CD163L1: variants seen among roughly 807,000 people sequenced by gnomAD.
CD163L1 encodes the protein scavenger receptor cysteine-rich type 1 protein M160.
In CD163L1, 124 loss-of-function variants were observed where a neutral mutation model predicts 165.4. That is an observed-to-expected ratio of 0.75 (90% CI 0.65 to 0.87). The LOEUF (loss-of-function observed/expected upper bound fraction) is 0.87, where lower values mean the gene tolerates loss of function less well. CD163L1 is among the 40% of genes least tolerant of loss of function. CD163L1 has a pLI of 0.00. For synonymous variants in CD163L1, 585 were observed against 662.2 expected (o/e 0.88, Z 1.79); for missense variants, 1,525 against 1,799.9 (o/e 0.85, Z 2.76).
the CD163L1 span, chr12:7,323,704 A>G: frequency 1.4e-6 from 1 of 713,652 alleles, no homozygotes. Context: ...GTCACCCAAG[A>G]GTACTGTAAA....
At chr12:7,366,949 G>C (rs1453621851) in intron 18 of CD163L1, among the ~76,000 whole-genome samples, 1 of 152,128 alleles carries the variant, frequency 6.6e-6, no homozygotes, top group Non-Finnish European at 1.5e-5. Flanking sequence ...CCAGGTATTT[G>C]ACTGATTATT....
rs117984569 is a variant in CD163L1, at chr12:7,357,602, T to A, written c.4280-116A>T. ...AAAGTATAATAGAGCAAGAGGTGACTATTACATAAATTAAGAGCACGCTTA... is the reference window on the plus strand; with the variant it reads ...AAAGTATAATAGAGCAAGAGGTGACAATTACATAAATTAAGAGCACGCTTA... On this transcript the variant is annotated intron_variant, in intron 18 of 19. Transcript: ENST00000313599. 108 of 665,664 alleles carry A rather than the reference T, an allele frequency of 1.6e-4. 1 individual carries two copies. In the East Asian group the frequency reaches 2.1e-3, roughly 13 times the overall value. The allele number at this position is 665,664 out of a possible 1,614,324, so 41.2% of individuals were successfully genotyped here. A position where few individuals can be genotyped will look rare whatever the true frequency, so the allele number is the denominator to read the frequency against.
chr12:7,339,058 A>T, the CD163L1 span, among the ~76,000 whole-genome samples: 1 of 152,222 alleles, frequency 6.6e-6, no homozygotes, highest in Non-Finnish European at 1.5e-5. Flanking sequence ...ATATAGTGAG[A>T]TAATAAATGT....
At chr12:7,356,524 T>C (rs1591866215) in intron 19 of CD163L1, among the ~76,000 whole-genome samples, 2 of 152,276 alleles carry the variant, frequency 1.3e-5, no homozygotes, top group East Asian at 3.9e-4. Flanking sequence ...GACTTATCTT[T>C]GCTCCCTGGC....
At chr12:7,319,884 A>G in the CD163L1 span, among the ~76,000 whole-genome samples, 5 of 152,236 alleles carry the variant, frequency 3.3e-5, no homozygotes, top group African/African-American at 1.2e-4. Context: ...TCATGTGTGT[A>G]TTTTAAGTGC....
chr12:7,440,284 A>C (rs1948810776), intron 2 of CD163L1, among the ~76,000 whole-genome samples: 1 of 151,692 alleles, frequency 6.6e-6, no homozygotes, highest in Non-Finnish European at 1.5e-5. Flanking sequence ...TGCGACGGGG[A>C]GGGCGGACTG....
At chr12:7,435,755 C>A (rs752195830) in intron 2 of CD163L1, among the ~76,000 whole-genome samples, 2 of 152,066 alleles carry the variant, frequency 1.3e-5, no homozygotes, top group African/African-American at 4.8e-5. Flanking sequence ...ATATTTATAG[C>A]AGAACATTTG....
At chr12:7,386,571 C>G (rs1208050800) in intron 8 of CD163L1, among the ~76,000 whole-genome samples, 1 of 79,492 alleles carries the variant, frequency 1.3e-5, no homozygotes, top group Non-Finnish European at 2.4e-5. Context: ...AAACCCTCAA[C>G]AAAATACCAG....
At chr12:7,440,339 C>T (rs1034326565) in intron 2 of CD163L1, among the ~76,000 whole-genome samples, 1 of 151,404 alleles carries the variant, frequency 6.6e-6, no homozygotes, top group East Asian at 1.9e-4. Flanking sequence ...CCGCCGCCCA[C>T]CGGCCCTGCC....
chr12:7,352,524 G>T (rs998049467), downstream of CD163L1, among the ~76,000 whole-genome samples: 2 of 152,110 alleles, frequency 1.3e-5, no homozygotes, highest in African/African-American at 2.4e-5. Flanking sequence ...TTTGAAACAA[G>T]GGCAGACTTC....
At chr12:7,415,394 G>T (rs1376980452) in intron 4 of CD163L1, among the ~76,000 whole-genome samples, 1 of 151,952 alleles carries the variant, frequency 6.6e-6, no homozygotes, top group Non-Finnish European at 1.5e-5. Flanking sequence ...ACTTTAAGAG[G>T]GGGAAAAATA....
the CD163L1 span, chr12:7,327,020 C>A: frequency 6.2e-7 from 1 of 1,612,764 alleles, no homozygotes; most frequent in Non-Finnish European, 8.5e-7. Context: ...TTAAGTCCTA[C>A]AACCCAGAGA....
At chr12:7,409,117 T>C (rs867292902) in intron 4 of CD163L1, among the ~76,000 whole-genome samples, 1 of 152,244 alleles carries the variant, frequency 6.6e-6, no homozygotes. Context: ...CACAGTGTTA[T>C]GTATTTTAAA....
chr12:7,323,567 G>A, the CD163L1 span: 1 of 1,607,934 alleles, frequency 6.2e-7, no homozygotes, highest in South Asian at 1.1e-5. Flanking sequence ...TGTGGTATGA[G>A]GATAGAAAGT....
intron 7 of CD163L1, among the ~76,000 whole-genome samples, chr12:7,397,371 G>C (rs1221776133): frequency 6.6e-6 from 1 of 152,114 alleles, no homozygotes; most frequent in African/African-American, 2.4e-5. Flanking sequence ...GTCTCTTATA[G>C]CCACAGAACT....
chr12:7,357,522 A>G (rs1187933479), intron 18 of CD163L1, 36 bp from the exon 19 acceptor site: 2 of 1,578,546 alleles, frequency 1.3e-6, no homozygotes, highest in East Asian at 2.2e-5. Flanking sequence ...ATTGAATAGT[A>G]GAAAACCTCT....
rs1947222785 is a variant in CD163L1, at chr12:7,374,663, T to A, written c.3188A>T (p.Asp1063Val). 1.9e-6 allele frequency: 3 copies of A among 1,614,072 alleles called. No homozygotes were observed. Residue 1063 changes from aspartate (D) to valine (V), a missense_variant, in exon 13 of 20, where the codon GAC becomes GTC. Physicochemically the swap from Asp to Val is radical, Grantham distance 152. Transcript: ENST00000313599. The surrounding 1 kb of genome is among the most constrained non-coding windows in gnomAD (Gnocchi z 5.4). ...GTGGGCATCGCTCAGGTCCCAGCCGTCATCACAGATGGTGCCCCAGAAGCC... is the reference window on the plus strand; with the variant it reads ...GTGGGCATCGCTCAGGTCCCAGCCGACATCACAGATGGTGCCCCAGAAGCC... ...HDGFWGTICDDGWDLSDAHVV... is the reference protein window; with the variant it reads ...HDGFWGTICDVGWDLSDAHVV...
At position 7,432,785 on chromosome 12, in the gene CD163L1, C is replaced by T. The variant is rs777994815; in HGVS notation, c.446-49G>A. On this transcript the variant is annotated intron_variant, in intron 3 of 19. Coordinates refer to ENST00000313599, the MANE Select transcript of CD163L1 (RefSeq NM_174941.6). This position sits in a 1 kb window ranked among gnomAD's most constrained non-coding sequence, Gnocchi z 4.2. ...ATGAAAAACTGATTCAACTTTGAGC[C>T]TGAAATAAAATCAAAAGGATACGTA... 2 of 1,479,194 alleles carry T rather than the reference C, an allele frequency of 1.4e-6. No homozygotes were observed. Among genetic ancestry groups the T allele is most frequent in the East Asian group, 4.6e-5 (2 of 43,788 alleles). The allele number at this position is 1,479,194 out of a possible 1,614,324, so 91.6% of individuals were successfully genotyped here.
chr12:7,358,539 C>T (rs1290405274), intron 18 of CD163L1, among the ~76,000 whole-genome samples: 1 of 152,094 alleles, frequency 6.6e-6, no homozygotes, highest in Non-Finnish European at 1.5e-5. Context: ...GAGACTAAAA[C>T]AAGGGCACCA....
Sources: gnomAD v4.1 joint callset for allele counts (sites outside exome capture counted in the v4.1 genomes callset) on GRCh38, gnomAD v4.1.1 for gene constraint, Gnocchi (gnomAD v3.1) non-coding constraint, MANE v1.5 for transcripts, NCBI Gene and HGNC (gene_info 2026-07-23, HGNC 2026-07-21) for gene names.